The following HP1BP3 variants were observed in gnomAD, a reference collection of about 807,000 sequenced individuals.
HP1BP3 encodes heterochromatin protein 1-binding protein 3.
A neutral mutation model predicts 62.5 loss-of-function variants in HP1BP3; 12 were observed. That is an observed-to-expected ratio of 0.19 (90% CI 0.12 to 0.31). The LOEUF (loss-of-function observed/expected upper bound fraction) is 0.31, where lower values mean the gene tolerates loss of function less well. Ranked by LOEUF, HP1BP3 falls within the 10% of genes least tolerant of loss-of-function variation. The pLI, the probability that HP1BP3 is intolerant of heterozygous loss-of-function variation, is 1.00. For synonymous variants in HP1BP3, 260 were observed against 237.8 expected (o/e 1.09, Z -0.86); for missense variants, 502 against 651.8 (o/e 0.77, Z 2.50).
intron 11 of HP1BP3, 33 bp from the exon 12 acceptor site, chr1:20,745,689 TC>T (rs1440986395): frequency 1.4e-5 from 22 of 1,608,842 alleles, no homozygotes; most frequent in Non-Finnish European, 1.8e-5. Flanking sequence ...AAAACACAAG[TC>T]CCATATAAAA....
chr1:20,746,307 C>T (rs1005542542), intron 11 of HP1BP3, among the ~76,000 whole-genome samples: 7 of 151,682 alleles, frequency 4.6e-5, no homozygotes, highest in Admixed American at 4.6e-4. Context: ...GATCCTCCCA[C>T]CTCACCTTCC....
intron 8 of HP1BP3, among the ~76,000 whole-genome samples, chr1:20,764,616 A>G (rs757399726): frequency 3.1e-4 from 47 of 151,046 alleles, no homozygotes; most frequent in Admixed American, 7.3e-4. Flanking sequence ...TCAATACTAC[A>G]TATCTTAACA....
At chr1:20,773,706 T>A in intron 4 of HP1BP3, 96 bp from the exon 5 acceptor site, 3 of 798,118 alleles carry the variant, frequency 3.8e-6, no homozygotes, top group Non-Finnish European at 5.3e-6. Context: ...TAAAAATTAA[T>A]GCTTTAATTT....
intron 1 of HP1BP3, among the ~76,000 whole-genome samples, chr1:20,785,397 T>A (rs2057775758): frequency 6.6e-6 from 1 of 152,222 alleles, no homozygotes; most frequent in African/African-American, 2.4e-5. Flanking sequence ...TAATTTCACA[T>A]TTTACCATAA....
intron 3 of HP1BP3, 33 bp downstream of exon 3, chr1:20,779,779 G>T: frequency 3.0e-6 from 4 of 1,355,328 alleles, no homozygotes; most frequent in South Asian, 1.2e-5. Context: ...TATAACTTTT[G>T]ATGTTTTAAG....
chr1:20,781,770 G>C (rs1431083157), intron 1 of HP1BP3, among the ~76,000 whole-genome samples: 1 of 152,124 alleles, frequency 6.6e-6, no homozygotes, highest in African/African-American at 2.4e-5. Context: ...GGGATTACAG[G>C]CATGCGCCAC....
chr1:20,740,521 G>T lies in HP1BP3; in HGVS notation c.*4276C>A, dbSNP rs896129352. ...CTGAAGTTAACAGTCTTGTGGAAAA[G>T]AACAGAAGAAAGAATAGGGCCAGGT... is the stretch of plus-strand genomic sequence containing the variant. On this transcript the variant is annotated 3_prime_UTR_variant, in exon 13 of 13. Transcript: ENST00000438032. 6.6e-6 allele frequency among the ~76,000 whole-genome samples: 1 copy of T among 152,190 alleles called. No homozygotes were observed. Among genetic ancestry groups the T allele is most frequent in the African/African-American group, 2.4e-5 (1 of 41,448 alleles).
chr1:20,748,736 C>T (rs1049117984), intron 10 of HP1BP3, among the ~76,000 whole-genome samples: 2 of 151,956 alleles, frequency 1.3e-5, no homozygotes, highest in Non-Finnish European at 2.9e-5. Flanking sequence ...CGCCCCCCAG[C>T]CTGGGCAACA....
rs2057467391 is a variant in HP1BP3 at position 20,779,910 on chromosome 1, T to C, written c.98A>G (p.Lys33Arg). ...AATCGGCATGGTGCTATCTTCTACC[T>C]TCTAAGAAAAGAGATGGCCATAATC... Reference protein sequence around the residue: ...QLIHADKLGEKVEDSTMPIRR... With the variant: ...QLIHADKLGERVEDSTMPIRR... Residue 33 changes from lysine to arginine, a missense_variant and splice_region_variant, in exon 3 of 13, where the codon AAG becomes AGG. Lys to Arg is a conservative substitution (Grantham distance 26). Transcript: ENST00000438032. 6 of 1,608,578 alleles carry C rather than the reference T, an allele frequency of 3.7e-6. No homozygotes were observed. The highest frequency in any genetic ancestry group is 1.3e-5 in the African/African-American group (1 of 74,722).
rs2057383824 is a variant in HP1BP3 at position 20,778,144 on chromosome 1, T to TAG, written c.197-1396_197-1395dup. On this transcript the variant is annotated intron_variant, in intron 3 of 12. Transcript: ENST00000438032. Reference sequence around the variant, plus strand: ...TAAGAATCATTCAGGGGTTTTACGGTAGTAAGACTTATAAATTTACATTAT... The same window carrying TAG: ...TAAGAATCATTCAGGGGTTTTACGGTAGAGTAAGACTTATAAATTTACATTAT... Among the ~76,000 whole-genome samples the TAG allele has an allele frequency of 6.1e-5, 3 of 48,968 alleles. No homozygotes were observed. The South Asian group carries it at 3.4e-3, about 55-fold the overall frequency. The allele number at this position is 48,968 out of a possible 152,430, so 32.1% of individuals were successfully genotyped here.
intron 8 of HP1BP3, among the ~76,000 whole-genome samples, chr1:20,759,816 A>C (rs1003411407): frequency 1.3e-5 from 2 of 152,098 alleles, no homozygotes; most frequent in African/African-American, 2.4e-5. Flanking sequence ...GAGAGAGTGA[A>C]GAGGAGTAGC....
chr1:20,787,120 C>A (rs967061813), intron 1 of HP1BP3, 75 bp downstream of exon 1: 6 of 151,632 alleles, frequency 4.0e-5, no homozygotes, highest in African/African-American at 1.4e-4. Flanking sequence ...CCCGGGCGAG[C>A]GGCCTCCGCC....
chr1:20,754,467 T>C (rs1414909354), intron 9 of HP1BP3, among the ~76,000 whole-genome samples: 1 of 151,380 alleles, frequency 6.6e-6, no homozygotes, highest in Non-Finnish European at 1.5e-5. Context: ...AGCTGTTTTT[T>C]TGGTTTTTTT....
At chr1:20,768,924 T>C (rs113895442) in intron 6 of HP1BP3, among the ~76,000 whole-genome samples, 181 of 152,344 alleles carry the variant, frequency 1.2e-3, no homozygotes, top group African/African-American at 4.3e-3. Context: ...GCTTTTAGCC[T>C]ACTAAGAGTT....
intron 7 of HP1BP3, among the ~76,000 whole-genome samples, chr1:20,766,860 T>G (rs1570626806): frequency 6.6e-6 from 1 of 152,260 alleles, no homozygotes; most frequent in East Asian, 1.9e-4. Flanking sequence ...GGACAAGCAC[T>G]TGAATCCGGG....
intron 11 of HP1BP3, 54 bp from the exon 12 acceptor site, chr1:20,745,710 T>C (rs2154539455): frequency 2.5e-6 from 4 of 1,589,092 alleles, no homozygotes; most frequent in Non-Finnish European, 3.4e-6. Flanking sequence ...ACAAGAAAAA[T>C]AATGTGAACC....
At chr1:20,759,814 G>T (rs566799901) in intron 8 of HP1BP3, among the ~76,000 whole-genome samples, 1 of 151,726 alleles carries the variant, frequency 6.6e-6, no homozygotes, top group Admixed American at 6.6e-5. Flanking sequence ...GTGAGAGAGT[G>T]AAGAGGAGTA....
intron 6 of HP1BP3, among the ~76,000 whole-genome samples, chr1:20,768,684 A>C (rs2056906605): frequency 6.6e-6 from 1 of 152,046 alleles, no homozygotes; most frequent in South Asian, 2.1e-4. Context: ...CACTAAAAAT[A>C]CAAAAATTAG....
In HP1BP3 at chr1:20,741,342, AAAGT is replaced by A. The variant is rs1450947592; in HGVS notation, c.*3451_*3454del. Among the ~76,000 whole-genome samples, 3 of 152,226 alleles carry A rather than the reference AAAGT, an allele frequency of 2.0e-5. No individual in the cohort carries two copies. The highest frequency in any genetic ancestry group is 2.9e-5 in the Non-Finnish European group (2 of 68,042). On this transcript the variant is annotated 3_prime_UTR_variant, in exon 13 of 13. Transcript: ENST00000438032. The stretch of plus-strand genomic sequence containing the variant: ...GAGAGAATAATTTCACAGGCTCTTT[AAAGT>A]AAGTATTAATTAAGAATTGGTTAGC...
Sources: allele counts gnomAD v4.1 joint callset (sites outside exome capture counted in the v4.1 genomes callset), GRCh38; gene constraint gnomAD v4.1.1; transcripts MANE v1.5; gene names NCBI Gene and HGNC (gene_info 2026-07-23, HGNC 2026-07-21).